Variants in DPYSL5 observed in about 807,000 individuals in gnomAD.
The protein encoded by DPYSL5 is dihydropyrimidinase-related protein 5.
Under a neutral mutation model 58.4 loss-of-function variants are expected in DPYSL5, and 9 were observed. The ratio of observed to expected loss-of-function variants is 0.15; its 90% CI spans 0.09 to 0.27. DPYSL5 has a LOEUF of 0.27. Among genes scored for constraint, DPYSL5 ranks in the 10% least tolerant of loss-of-function variants. The probability of loss-of-function intolerance (pLI) is 1.00; values close to 1 mark genes in which losing one functional copy is unlikely to be tolerated. For missense variants in DPYSL5, 499 were observed against 770.6 expected (o/e 0.65, Z 4.17); for synonymous variants, 293 against 301.9 (o/e 0.97, Z 0.31).
chr2:26,855,061 G>A (rs895264137), intron 1 of DPYSL5, among the ~76,000 whole-genome samples: 2 of 151,546 alleles, frequency 1.3e-5, no homozygotes, highest in African/African-American at 2.4e-5. Flanking sequence ...CAGGTGATCC[G>A]CCCGCCTCAG....
intron 2 of DPYSL5, among the ~76,000 whole-genome samples, chr2:26,909,981 T>C (rs2148146140): frequency 6.6e-6 from 1 of 152,306 alleles, no homozygotes; most frequent in South Asian, 2.1e-4. Context: ...AATAAACATA[T>C]CCACCATTCC....
chr2:26,869,749 C>T (rs1405245681), intron 1 of DPYSL5, among the ~76,000 whole-genome samples: 2 of 152,202 alleles, frequency 1.3e-5, no homozygotes, highest in Non-Finnish European at 2.9e-5. Flanking sequence ...CGGTGGCTCA[C>T]ACCTGTAATC....
chr2:26,869,873 T>C (rs1000375592), intron 1 of DPYSL5, among the ~76,000 whole-genome samples: 1 of 152,022 alleles, frequency 6.6e-6, no homozygotes, highest in Non-Finnish European at 1.5e-5. Flanking sequence ...CAGCCGGGCG[T>C]GGTCACAGGC....
At chr2:26,892,267 A>C (rs569013421) in intron 1 of DPYSL5, among the ~76,000 whole-genome samples, 1 of 152,318 alleles carries the variant, frequency 6.6e-6, no homozygotes, top group East Asian at 1.9e-4. Flanking sequence ...GTGTGAATGC[A>C]TGTAAAGTGC....
At chr2:26,872,343 A>C (rs947345698) in intron 1 of DPYSL5, among the ~76,000 whole-genome samples, 4 of 152,242 alleles carry the variant, frequency 2.6e-5, no homozygotes, top group Non-Finnish European at 5.9e-5. Context: ...ATGTAAATTT[A>C]TAATTGGACT....
In DPYSL5 at chr2:26,849,590, T is replaced by C. The variant is rs1311366834; in HGVS notation, c.-5+1336T>C. 6.6e-6 allele frequency among the ~76,000 whole-genome samples: 1 copy of C among 152,152 alleles called. No individual in the cohort carries two copies. The highest frequency in any genetic ancestry group is 1.5e-5 in the Non-Finnish European group (1 of 68,010). On this transcript the variant is annotated intron_variant, in intron 1 of 12. Transcript: ENST00000288699. The surrounding 1 kb of genome is among the most constrained non-coding windows in gnomAD (Gnocchi z 6.2). Reference sequence around the variant, plus strand: ...TCCGCGGCGCCCACGGCACGCCCTTTTCTCGAGGAGCTGAAAGGCTTTGCC... The same window carrying C: ...TCCGCGGCGCCCACGGCACGCCCTTCTCTCGAGGAGCTGAAAGGCTTTGCC...
intron 1 of DPYSL5, among the ~76,000 whole-genome samples, chr2:26,852,107 G>C (rs1436996250): frequency 6.6e-6 from 1 of 152,066 alleles, no homozygotes; most frequent in Non-Finnish European, 1.5e-5. Flanking sequence ...TATCTTTTTT[G>C]TTTTCTGAGG....
At chr2:26,871,772 T>A (rs1572678998) in intron 1 of DPYSL5, among the ~76,000 whole-genome samples, 1 of 152,310 alleles carries the variant, frequency 6.6e-6, no homozygotes, top group African/African-American at 2.4e-5. Context: ...GAAAGAAACA[T>A]TATTTCTTAC....
chr2:26,863,461 C>T (rs866366363), intron 1 of DPYSL5, among the ~76,000 whole-genome samples: 2 of 152,214 alleles, frequency 1.3e-5, no homozygotes, highest in African/African-American at 4.8e-5. Flanking sequence ...AAAAGGAGCT[C>T]ATACCCCTGG....
In DPYSL5 at chr2:26,947,058, G is replaced by C; in HGVS notation, c.*63G>C. The C allele has an allele frequency of 1.4e-6, 2 of 1,403,942 alleles. No individual in the cohort carries two copies. Among genetic ancestry groups the C allele is most frequent in the Non-Finnish European group, 2.0e-6 (2 of 1,005,598 alleles). The allele number at this position is 1,403,942 out of a possible 1,614,324, so 87.0% of individuals were successfully genotyped here. A position where few individuals can be genotyped will look rare whatever the true frequency, so the allele number is the denominator to read the frequency against. On this transcript the variant is annotated 3_prime_UTR_variant, in exon 13 of 13. Coordinates refer to ENST00000288699, the MANE Select transcript of DPYSL5 (RefSeq NM_020134.4). This position sits in a 1 kb window ranked among gnomAD's most constrained non-coding sequence, Gnocchi z 4.2. ...GCCACCAGCCCGCAACTCTCCAGCC[G>C]AAGCTGCAGGGGCAGGAGAGGCTGG...
chr2:26,920,255 A>G (rs1664671828), intron 2 of DPYSL5, among the ~76,000 whole-genome samples: 1 of 152,172 alleles, frequency 6.6e-6, no homozygotes, highest in Non-Finnish European at 1.5e-5. Context: ...TAGTGGAAAT[A>G]TGGGTATATG....
Position 26,947,041 on chromosome 2 carries a change from C to A in DPYSL5, c.*46C>A. ...AGTGAGGACGCACCGCCGCCACCAG[C>A]CCGCAACTCTCCAGCCGAAGCTGCA... On this transcript the variant is annotated 3_prime_UTR_variant, in exon 13 of 13. Transcript: ENST00000288699. This position sits in a 1 kb window ranked among gnomAD's most constrained non-coding sequence, Gnocchi z 4.2. 6.7e-7 allele frequency: 1 copy of A among 1,486,048 alleles called. No homozygotes were observed. Among genetic ancestry groups the A allele is most frequent in the Non-Finnish European group, 9.3e-7 (1 of 1,073,566 alleles). 92.1% of individuals were successfully genotyped at this position (1,486,048 alleles called of 1,614,324 possible). A position where few individuals can be genotyped will look rare whatever the true frequency, so the allele number is the denominator to read the frequency against.
chr2:26,904,741 A>G (rs1165544913), intron 2 of DPYSL5, among the ~76,000 whole-genome samples: 3 of 152,082 alleles, frequency 2.0e-5, no homozygotes, highest in African/African-American at 7.2e-5. Context: ...CATCTCTACA[A>G]AAAATACAAA....
chr2:26,880,411 A>G (rs540841318), intron 1 of DPYSL5, among the ~76,000 whole-genome samples: 1 of 152,002 alleles, frequency 6.6e-6, no homozygotes, highest in African/African-American at 2.4e-5. Context: ...CCAGTCCCCA[A>G]CTCACAGTTG....
rs575172677 is a variant in DPYSL5, at chr2:26,920,621, C to T, written c.262-4266C>T. Among the ~76,000 whole-genome samples, 38 of 152,250 alleles carry T rather than the reference C, an allele frequency of 2.5e-4. 2 individuals are homozygous for T. In the South Asian group the frequency reaches 6.2e-3, roughly 25 times the overall value. ...TCTGTACTGAAAATACAAAATTAAC[C>T]GGGCATTATGGCAGGTGCCTGTAAT... is the stretch of plus-strand genomic sequence containing the variant. On this transcript the variant is annotated intron_variant, in intron 2 of 12. Transcript: ENST00000288699.
intron 1 of DPYSL5, among the ~76,000 whole-genome samples, chr2:26,851,879 C>T (rs1333370832): frequency 6.6e-6 from 1 of 151,840 alleles, no homozygotes; most frequent in African/African-American, 2.4e-5. Context: ...CCTGGGAGGC[C>T]GAGGTTGCAG....
intron 1 of DPYSL5, among the ~76,000 whole-genome samples, chr2:26,869,423 C>A (rs1370168191): frequency 6.6e-6 from 1 of 152,116 alleles, no homozygotes; most frequent in Non-Finnish European, 1.5e-5. Context: ...ATGTCCATCA[C>A]CCCACACAGA....
intron 2 of DPYSL5, among the ~76,000 whole-genome samples, chr2:26,920,503 C>T (rs968086849): frequency 6.6e-6 from 1 of 152,304 alleles, no homozygotes; most frequent in Admixed American, 6.5e-5. Context: ...TGGTGGCTCA[C>T]GTCGATAACC....
chr2:26,925,176 A>G lies in DPYSL5; in HGVS notation c.420+131A>G. On this transcript the variant is annotated intron_variant, in intron 3 of 12. Coordinates refer to ENST00000288699, the MANE Select transcript of DPYSL5 (RefSeq NM_020134.4). This position sits in a 1 kb window ranked among gnomAD's most constrained non-coding sequence, Gnocchi z 4.5. ...ACCATCCTAGCTCCCCACAATGCCA[A>G]AAGAAAACACACTTGGGATTCCATA... 8.4e-7 allele frequency: 1 copy of G among 1,197,194 alleles called. No individual in the cohort carries two copies. Among genetic ancestry groups the G allele is most frequent in the South Asian group, 1.6e-5 (1 of 63,906 alleles). 74.2% of individuals were successfully genotyped at this position (1,197,194 alleles called of 1,614,324 possible).
Sources: allele counts gnomAD v4.1 joint callset (sites outside exome capture counted in the v4.1 genomes callset), GRCh38; gene constraint gnomAD v4.1.1; non-coding constraint Gnocchi (gnomAD v3.1); transcripts MANE v1.5; gene names NCBI Gene and HGNC (gene_info 2026-07-23, HGNC 2026-07-21).